The following DPP6 variants were observed in gnomAD, a reference collection of about 807,000 sequenced individuals.
DPP6 encodes the protein A-type potassium channel modulatory protein DPP6.
A neutral mutation model predicts 122.6 loss-of-function variants in DPP6; 69 were observed. The ratio of observed to expected loss-of-function variants is 0.56; its 90% CI spans 0.46 to 0.69. DPP6 has a LOEUF of 0.69. Among genes scored for constraint, DPP6 ranks in the 30% least tolerant of loss-of-function variants. The probability of loss-of-function intolerance (pLI) is 0.00; values close to 1 mark genes in which losing one functional copy is unlikely to be tolerated. For missense variants in DPP6, 928 were observed against 1,116.9 expected (o/e 0.83, Z 2.41); for synonymous variants, 418 against 433.1 (o/e 0.97, Z 0.43).
intron 8 of DPP6, among the ~76,000 whole-genome samples, chr7:154,753,883 G>A (rs1369985850): frequency 6.6e-6 from 1 of 152,192 alleles, no homozygotes; most frequent in African/African-American, 2.4e-5. Context: ...TCTACACAGA[G>A]GCCCTGAGCT....
chr7:153,818,698 A>G, the DPP6 span, among the ~76,000 whole-genome samples: 2 of 151,548 alleles, frequency 1.3e-5, no homozygotes, highest in African/African-American at 4.9e-5. Context: ...GCTGGTGGTG[A>G]GCTCTGGGCA....
chr7:154,731,089 G>T (rs1479691026), intron 8 of DPP6, among the ~76,000 whole-genome samples: 1 of 152,098 alleles, frequency 6.6e-6, no homozygotes, highest in African/African-American at 2.4e-5. Context: ...GGAGCCCTGA[G>T]GATTCTTGCT....
At chr7:154,495,681 C>T (rs548490997) in intron 3 of DPP6, among the ~76,000 whole-genome samples, 6 of 152,196 alleles carry the variant, frequency 3.9e-5, no homozygotes, top group South Asian at 2.1e-4. Context: ...TGAGCCACTG[C>T]GGCCGGCCTG....
intron 16 of DPP6, among the ~76,000 whole-genome samples, chr7:154,852,229 C>T (rs752613731): frequency 3.9e-5 from 6 of 152,078 alleles, no homozygotes; most frequent in East Asian, 1.9e-4. Context: ...TGATGATGAC[C>T]GCAGGAATAC....
chr7:154,687,304 T>C (rs947842183), intron 7 of DPP6, among the ~76,000 whole-genome samples: 2 of 152,228 alleles, frequency 1.3e-5, no homozygotes, highest in Non-Finnish European at 2.9e-5. Flanking sequence ...TCACAATGCC[T>C]TTATCCAGTC....
chr7:154,030,856 C>T (rs1381787549), intron 1 of DPP6, among the ~76,000 whole-genome samples: 5 of 152,144 alleles, frequency 3.3e-5, no homozygotes, highest in African/African-American at 9.7e-5. Flanking sequence ...CTGTTTCCAG[C>T]GTGCCAGCCT....
At chr7:154,466,811 T>C (rs1039068582) in intron 2 of DPP6, among the ~76,000 whole-genome samples, 1 of 152,222 alleles carries the variant, frequency 6.6e-6, no homozygotes. Flanking sequence ...CCTTCTCATA[T>C]ATAAAGCACA....
At chr7:154,448,889 C>G (rs990503781) in intron 2 of DPP6, among the ~76,000 whole-genome samples, 1 of 151,980 alleles carries the variant, frequency 6.6e-6, no homozygotes, top group Admixed American at 6.6e-5. Flanking sequence ...CAGTTGGACC[C>G]CCAACTCGTA....
chr7:154,826,559 T>C (rs569790163), intron 16 of DPP6, among the ~76,000 whole-genome samples: 34 of 152,082 alleles, frequency 2.2e-4, no homozygotes, highest in Non-Finnish European at 4.4e-4. Context: ...GTGATGAAAA[T>C]CGAGAGGGTT....
At chr7:154,747,354 C>T (rs952967043) in intron 8 of DPP6, among the ~76,000 whole-genome samples, 5 of 152,152 alleles carry the variant, frequency 3.3e-5, no homozygotes, top group East Asian at 1.9e-4. Context: ...CTCTGAGAAG[C>T]GAAATGATTT....
intron 1 of DPP6, among the ~76,000 whole-genome samples, chr7:154,070,987 A>C (rs1242421677): frequency 2.0e-5 from 3 of 152,180 alleles, no homozygotes; most frequent in African/African-American, 7.2e-5. Flanking sequence ...CAATCAAGAC[A>C]ACATATAGTA....
the DPP6 span, among the ~76,000 whole-genome samples, chr7:153,857,234 T>C: frequency 3.9e-5 from 6 of 152,116 alleles, no homozygotes; most frequent in Non-Finnish European, 7.4e-5. Context: ...GCAAAATAGT[T>C]AAGCACAATT....
At chr7:154,254,107 G>A (rs1485775233) in intron 1 of DPP6, among the ~76,000 whole-genome samples, 1 of 152,162 alleles carries the variant, frequency 6.6e-6, no homozygotes, top group Non-Finnish European at 1.5e-5. Flanking sequence ...TTTGGGTGGG[G>A]ACACACAGCC....
chr7:154,591,722 AGAG>A (rs1832817847), intron 5 of DPP6, among the ~76,000 whole-genome samples: 1 of 152,344 alleles, frequency 6.6e-6, no homozygotes, highest in South Asian at 2.1e-4. Context: ...CTGATCCAGC[AGAG>A]GAGACCACAG....
intron 1 of DPP6, among the ~76,000 whole-genome samples, chr7:154,313,685 G>GTGTGTGTGTGTGTGTGTATA: frequency 2.0e-4 from 4 of 20,468 alleles, no homozygotes; most frequent in Non-Finnish European, 4.4e-4. Flanking sequence ...TTAAGATATG[G>GTGTGTGTGTGTGTGTGTATA]TATATATATA....
chr7:154,818,671 C>T (rs747464783), intron 16 of DPP6, among the ~76,000 whole-genome samples: 1 of 152,128 alleles, frequency 6.6e-6, no homozygotes, highest in Non-Finnish European at 1.5e-5. Context: ...TCAAAATTTC[C>T]AAGAAATTTA....
the DPP6 span, among the ~76,000 whole-genome samples, chr7:153,832,935 G>A: frequency 1.3e-5 from 2 of 152,148 alleles, no homozygotes; most frequent in Non-Finnish European, 2.9e-5. Context: ...GCCTCCCCTT[G>A]CACTCATGGA....
At chr7:154,744,106 T>A (rs1842933081) in intron 8 of DPP6, among the ~76,000 whole-genome samples, 1 of 152,270 alleles carries the variant, frequency 6.6e-6, no homozygotes, top group East Asian at 1.9e-4. Context: ...CGGTGCGTCC[T>A]GTGTAATGGG....
chr7:154,503,700 G>A (rs562972924), intron 3 of DPP6, among the ~76,000 whole-genome samples: 1 of 152,268 alleles, frequency 6.6e-6, no homozygotes, highest in East Asian at 1.9e-4. Context: ...TTTGTGTAAA[G>A]GTTCCACAGA....
Sources: allele counts gnomAD v4.1 joint callset (sites outside exome capture counted in the v4.1 genomes callset), GRCh38; gene constraint gnomAD v4.1.1; transcripts MANE v1.5; gene names NCBI Gene and HGNC (gene_info 2026-07-23, HGNC 2026-07-21).